The following NEURL4 variants were observed in gnomAD, a reference collection of about 807,000 sequenced individuals.
NEURL4 encodes neuralized-like protein 4.
A neutral mutation model predicts 148.0 loss-of-function variants in NEURL4; 45 were observed. The observed-to-expected ratio is 0.30, with a 90% CI of 0.24 to 0.39. NEURL4 has a LOEUF of 0.39. NEURL4 is among the 10% of genes least tolerant of loss of function. The pLI, the probability that NEURL4 is intolerant of heterozygous loss-of-function variation, is 1.00. For synonymous variants in NEURL4, 854 were observed against 869.0 expected, an observed-to-expected ratio of 0.98 and a Z score of 0.30; for missense variants, 1,776 against 2,144.0, an observed-to-expected ratio of 0.83 and a Z score of 3.39.
chr17:7,322,606 G>A lies in NEURL4; in HGVS notation c.2725+129C>T. ...CACTGGCTGCTTGCCACCGTGGGCT[G>A]TCCCTTCCCTGGAGCCGGCAGCTAC... On this transcript the variant is annotated intron_variant, in intron 16 of 28. Coordinates refer to ENST00000399464, the MANE Select transcript of NEURL4 (RefSeq NM_032442.3). This position sits in a 1 kb window ranked among gnomAD's most constrained non-coding sequence, Gnocchi z 5.5. 1 of 1,251,534 alleles carries A rather than the reference G, an allele frequency of 8.0e-7. No homozygotes were observed. The highest frequency in any genetic ancestry group is 1.3e-5 in the South Asian group (1 of 75,018). 77.5% of individuals were successfully genotyped at this position (1,251,534 alleles called of 1,614,324 possible). A position where few individuals can be genotyped will look rare whatever the true frequency, so the allele number is the denominator to read the frequency against.
Position 7,323,022 on chromosome 17 carries a change from G to C in NEURL4, c.2519C>G (p.Ala840Gly), listed in dbSNP as rs748559837. The C allele has an allele frequency of 1.9e-6, 3 of 1,613,756 alleles. No individual in the cohort carries two copies. The highest frequency in any genetic ancestry group is 2.5e-6 in the Non-Finnish European group (3 of 1,180,004). ...TGARIGMMRT[A>G]KGDLHYFING... The stretch of plus-strand genomic sequence containing the variant: ...GATGAAGTAGTGCAGGTCGCCCTTG[G>C]CAGTTCGCATCATGCCAATGCGTGC... The change falls in exon 15 of 29, where the codon GCC (alanine) becomes GGC (glycine). Residue 840 changes from alanine (A) to glycine (G), a missense_variant. Transcript: ENST00000399464.
chr17:7,321,050 G>A lies in NEURL4; in HGVS notation c.3360+62C>T, dbSNP rs2073025611. ...GATCAGAGAACCCAGAAAAGGCCTG[G>A]CATCCAACGGCCCAGCAACTGCCCA... is the stretch of plus-strand genomic sequence containing the variant. On this transcript the variant is annotated intron_variant, in intron 20 of 28. Transcript: ENST00000399464. The surrounding 1 kb of genome is among the most constrained non-coding windows in gnomAD (Gnocchi z 6.3). 1 of 1,595,288 alleles carries A rather than the reference G, an allele frequency of 6.3e-7. No homozygotes were observed.
rs779367840 is a variant in NEURL4, at chr17:7,321,717, C to G, written c.2942G>C (p.Gly981Ala). ...LRLGLTTLAP[G>A]EMGPGAGGGG... is the part of the protein sequence containing the mutation. ...ACCGCCTGCCCCGGGTCCCATCTCC[C>G]CCGGTGCTAGTGTGGTCAGCCCCAG... Residue 981 changes from glycine to alanine, a missense_variant, in exon 18 of 29, where the codon GGG (glycine) becomes GCG (alanine). Physicochemically the swap from Gly to Ala is moderately conservative, Grantham distance 60. Coordinates refer to ENST00000399464, the MANE Select transcript of NEURL4 (RefSeq NM_032442.3). This position sits in a 1 kb window ranked among gnomAD's most constrained non-coding sequence, Gnocchi z 6.3. 1 of 1,613,786 alleles carries G rather than the reference C, an allele frequency of 6.2e-7. No individual in the cohort carries two copies. The highest frequency in any genetic ancestry group is 8.5e-7 in the Non-Finnish European group (1 of 1,180,046).
In NEURL4 at chr17:7,327,315, C is replaced by T; in HGVS notation, c.728-85G>A. The T allele has an allele frequency of 1.4e-6, 2 of 1,454,122 alleles. No homozygotes were observed. Among genetic ancestry groups the T allele is most frequent in the East Asian group, 2.3e-5 (1 of 43,638 alleles). 90.1% of individuals were successfully genotyped at this position (1,454,122 alleles called of 1,614,324 possible). A position where few individuals can be genotyped will look rare whatever the true frequency, so the allele number is the denominator to read the frequency against. ...GCCAGGAGAACCCCCCATCCTCTAG[C>T]TCCTGCTCTCCCATTCAACAGACTT... On this transcript the variant is annotated intron_variant, in intron 2 of 28. Transcript: ENST00000399464. This position sits in a 1 kb window ranked among gnomAD's most constrained non-coding sequence, Gnocchi z 6.6.
chr17:7,316,334 G>A lies in NEURL4; in HGVS notation c.4485-7C>T. On this transcript the variant is annotated splice_region_variant and splice_polypyrimidine_tract_variant and intron_variant, in intron 28 of 28. Coordinates refer to ENST00000399464, the MANE Select transcript of NEURL4 (RefSeq NM_032442.3). ...GGATTTGGGGTCCCGGAATCTGTCA[G>A]ACAAGAAAAAATAAGGGAGTGAAGC... 1 of 1,609,938 alleles carries A rather than the reference G, an allele frequency of 6.2e-7. No homozygotes were observed. Among genetic ancestry groups the A allele is most frequent in the Non-Finnish European group, 8.5e-7 (1 of 1,178,490 alleles).
chr17:7,318,323 T>C lies in NEURL4; in HGVS notation c.3898A>G (p.Ser1300Gly), dbSNP rs934174303. 5 of 1,614,124 alleles carry C rather than the reference T, an allele frequency of 3.1e-6. No individual in the cohort carries two copies. Among genetic ancestry groups the C allele is most frequent in the Non-Finnish European group, 4.2e-6 (5 of 1,179,996 alleles). The change falls in exon 24 of 29, where the codon AGT becomes GGT. Residue 1300 changes from serine (S) to glycine (G), a missense_variant. Physicochemically the swap from Ser to Gly is moderately conservative, Grantham distance 56. Coordinates refer to ENST00000399464, the MANE Select transcript of NEURL4 (RefSeq NM_032442.3). This position sits in a 1 kb window ranked among gnomAD's most constrained non-coding sequence, Gnocchi z 4.3. ...TIVNPEPGAA[S>G]GKSAGTQGDM... The stretch of plus-strand genomic sequence containing the variant: ...CCTTGGGTTCCAGCACTTTTCCCAC[T>C]GGCAGCCCCTGGCTCAGGGTTCACG...
chr17:7,325,440 T>C lies in NEURL4; in HGVS notation c.1400A>G (p.Tyr467Cys), dbSNP rs1271479918. 1 of 1,612,542 alleles carries C rather than the reference T, an allele frequency of 6.2e-7. No homozygotes were observed. The highest frequency in any genetic ancestry group is 1.7e-5 in the Admixed American group (1 of 59,986). The change falls in exon 8 of 29, where the codon TAT becomes TGT. Residue 467 changes from tyrosine to cysteine, a missense_variant. Physicochemically the swap from Tyr to Cys is radical, Grantham distance 194 (BLOSUM62 -2). Coordinates refer to ENST00000399464, the MANE Select transcript of NEURL4 (RefSeq NM_032442.3). Reference sequence around the variant, plus strand: ...CATCCCGTACAAGTCCACCACACCATACACCACTGGGGGCGTCAAGGGGGT... The same window carrying C: ...CATCCCGTACAAGTCCACCACACCACACACCACTGGGGGCGTCAAGGGGGT... Reference protein sequence around the residue: ...VATPLTPPVVYGVVDLYGMAV... With the variant: ...VATPLTPPVVCGVVDLYGMAV...
intron 22 of NEURL4, 46 bp downstream of exon 22, chr17:7,319,004 C>T: frequency 6.4e-7 from 1 of 1,550,482 alleles, no homozygotes; most frequent in South Asian, 1.2e-5. Flanking sequence ...CAGCCCTTCT[C>T]TACTCACAGG....
chr17:7,320,469 T>G (rs2073016767), intron 21 of NEURL4, among the ~76,000 whole-genome samples: 1 of 152,076 alleles, frequency 6.6e-6, no homozygotes, highest in African/African-American at 2.4e-5. Context: ...TTTCAGTTTG[T>G]AGCAAAAAGG....
At position 7,327,474 on chromosome 17, in the gene NEURL4, A is replaced by G; in HGVS notation, c.693T>C (p.Ser231=). 6.4e-7 allele frequency: 1 copy of G among 1,571,456 alleles called. No homozygotes were observed. Among genetic ancestry groups the G allele is most frequent in the Non-Finnish European group, 8.6e-7 (1 of 1,156,160 alleles). The stretch of plus-strand genomic sequence containing the variant: ...CAGAGGTCCCCTGTTCAGCCAAGGC[A>G]GAGTCTTCAGTGGGGGCCAAGGGCT... ...PLEPLAPTED[S]ALAEQGTSAD... The change falls in exon 2 of 29, where the codon TCT becomes TCC. Residue 231 remains serine, a synonymous_variant. Transcript: ENST00000399464. The surrounding 1 kb of genome is among the most constrained non-coding windows in gnomAD (Gnocchi z 6.6).
At position 7,327,089 on chromosome 17, in the gene NEURL4, A is replaced by G. The variant is rs1240433274; in HGVS notation, c.793+76T>C. 6.3e-7 allele frequency: 1 copy of G among 1,598,846 alleles called. No individual in the cohort carries two copies. The highest frequency in any genetic ancestry group is 8.5e-7 in the Non-Finnish European group (1 of 1,173,232). ...CCCCAGACCTGGTGCCTCTCTCCCT[A>G]CCCCTTCTCCTGAGGGCCCTCCCTT... On this transcript the variant is annotated intron_variant, in intron 3 of 28. Transcript: ENST00000399464. This position sits in a 1 kb window ranked among gnomAD's most constrained non-coding sequence, Gnocchi z 6.6.
Position 7,327,909 on chromosome 17 carries a change from G to A in NEURL4, c.283-25C>T, listed in dbSNP as rs984181731. The A allele has an allele frequency of 6.5e-7, 1 of 1,538,708 alleles. No individual in the cohort carries two copies. The highest frequency in any genetic ancestry group is 8.8e-7 in the Non-Finnish European group (1 of 1,137,012). On this transcript the variant is annotated intron_variant, in intron 1 of 28. Coordinates refer to ENST00000399464, the MANE Select transcript of NEURL4 (RefSeq NM_032442.3). The surrounding 1 kb of genome is among the most constrained non-coding windows in gnomAD (Gnocchi z 6.6). ...CCTGGGATAGGGGTATTGGACAGAG[G>A]CTTAGAATGGGCCACCCCCCATTCC... is the stretch of plus-strand genomic sequence containing the variant.
chr17:7,317,321 T>C lies in NEURL4; in HGVS notation c.4368A>G (p.Val1456=), dbSNP rs755818868. The change falls in exon 28 of 29, where the codon GTA becomes GTG. Residue 1456 remains valine (V), a synonymous_variant. Coordinates refer to ENST00000399464, the MANE Select transcript of NEURL4 (RefSeq NM_032442.3). ...AGTTCTCGCCAGGCTCCTCGAACCC[T>C]ACCCCAGGTTCTCCCTTCAAAGGAC... The part of the protein sequence containing the change: ...SCRPLKGEPG[V]GFEEPGENCA... 1 of 1,542,344 alleles carries C rather than the reference T, an allele frequency of 6.5e-7. No homozygotes were observed. The highest frequency in any genetic ancestry group is 1.3e-5 in the South Asian group (1 of 79,682).
intron 20 of NEURL4, 39 bp from the exon 21 acceptor site, chr17:7,320,962 A>G (rs1182738992): frequency 3.1e-6 from 5 of 1,609,794 alleles, no homozygotes; most frequent in African/African-American, 2.7e-5. Context: ...TGGGTTGCCA[A>G]TGCCAGGACT....
chr17:7,322,137 A>C lies in NEURL4; in HGVS notation c.2726-127T>G. ...CGCCCCATCTGCCATCTGCCATTAC[A>C]CCTCAGGGCCTCCTGACACCTCTTT... On this transcript the variant is annotated intron_variant, in intron 16 of 28. Transcript: ENST00000399464. This position sits in a 1 kb window ranked among gnomAD's most constrained non-coding sequence, Gnocchi z 5.5. The C allele has an allele frequency of 9.5e-7, 1 of 1,055,600 alleles. No homozygotes were observed. The highest frequency in any genetic ancestry group is 1.4e-6 in the Non-Finnish European group (1 of 733,204). The allele number at this position is 1,055,600 out of a possible 1,614,324, so 65.4% of individuals were successfully genotyped here.
chr17:7,318,605 T>C lies in NEURL4; in HGVS notation c.3754A>G (p.Ser1252Gly), dbSNP rs755878935. The C allele has an allele frequency of 6.8e-6, 11 of 1,613,968 alleles. No individual in the cohort carries two copies. The African/African-American group carries it at 1.1e-4, about 16-fold the overall frequency. ...EGTILGLRLD[S>G]SGGLHLHVNG... ...ACATGAAGATGCAGCCCCCCAGAGC[T>C]GTCCAGCCGCAGTCCCAGGATGGTG... Residue 1252 changes from serine to glycine, a missense_variant, in exon 23 of 29, where the codon AGC becomes GGC. Transcript: ENST00000399464. The surrounding 1 kb of genome is among the most constrained non-coding windows in gnomAD (Gnocchi z 4.3).
At position 7,322,625 on chromosome 17, in the gene NEURL4, C is replaced by T; in HGVS notation, c.2725+110G>A. ...TGGGCTGTCCCTTCCCTGGAGCCGG[C>T]AGCTACCCCAGCCAACCGTCTTTGC... On this transcript the variant is annotated intron_variant, in intron 16 of 28. Coordinates refer to ENST00000399464, the MANE Select transcript of NEURL4 (RefSeq NM_032442.3). This position sits in a 1 kb window ranked among gnomAD's most constrained non-coding sequence, Gnocchi z 5.5. The T allele has an allele frequency of 2.1e-6, 3 of 1,419,982 alleles. No homozygotes were observed. Among genetic ancestry groups the T allele is most frequent in the Non-Finnish European group, 1.9e-6 (2 of 1,041,502 alleles). The allele number at this position is 1,419,982 out of a possible 1,614,324, so 88.0% of individuals were successfully genotyped here.
At position 7,324,362 on chromosome 17, in the gene NEURL4, T is replaced by C. The variant is rs1009129464; in HGVS notation, c.1899+33A>G. 2 of 1,614,000 alleles carry C rather than the reference T, an allele frequency of 1.2e-6. No homozygotes were observed. Among genetic ancestry groups the C allele is most frequent in the Non-Finnish European group, 1.7e-6 (2 of 1,179,930 alleles). ...GCCCCGCGGTGTTTGTGATGCCCGC[T>C]GCGGCCGCCAGGCGGCGCACCCACT... On this transcript the variant is annotated intron_variant, in intron 10 of 28. Coordinates refer to ENST00000399464, the MANE Select transcript of NEURL4 (RefSeq NM_032442.3). This position sits in a 1 kb window ranked among gnomAD's most constrained non-coding sequence, Gnocchi z 5.9.
rs1363325069 is a variant in NEURL4, at chr17:7,321,126, C to T, written c.3346G>A (p.Glu1116Lys). ...SEGEEDDEGEEHGLGGQNEVG... is the reference protein window; with the variant it reads ...SEGEEDDEGEKHGLGGQNEVG... ...CAGCCTCTTACTCCCAGGCCATGCT[C>T]CTCGCCCTCGTCATCCTCCTCGCCC... The change falls in exon 20 of 29, where the codon GAG becomes AAG. Residue 1116 changes from glutamate (E) to lysine (K), a missense_variant. Glu to Lys is a moderately conservative substitution (Grantham distance 56, BLOSUM62 1). Transcript: ENST00000399464. The surrounding 1 kb of genome is among the most constrained non-coding windows in gnomAD (Gnocchi z 6.3). 2 of 1,613,634 alleles carry T rather than the reference C, an allele frequency of 1.2e-6. No individual in the cohort carries two copies. Among genetic ancestry groups the T allele is most frequent in the African/African-American group, 2.7e-5 (2 of 74,898 alleles).
Sources: gnomAD v4.1 joint callset for allele counts (sites outside exome capture counted in the v4.1 genomes callset) on GRCh38, gnomAD v4.1.1 for gene constraint, Gnocchi (gnomAD v3.1) non-coding constraint, MANE v1.5 for transcripts, NCBI Gene and HGNC (gene_info 2026-07-23, HGNC 2026-07-21) for gene names.